ERI1: variants seen among roughly 807,000 people sequenced by gnomAD.
ERI1 encodes 3'-5' exoribonuclease 1.
Under a neutral mutation model 39.7 loss-of-function variants are expected in ERI1, and 39 were observed. That is an observed-to-expected ratio of 0.98 (90% CI 0.76 to 1.28). The LOEUF (loss-of-function observed/expected upper bound fraction) is 1.28. Ranked by LOEUF, ERI1 falls within the 50% of genes most tolerant of loss-of-function variation. The pLI is 0.00. For missense variants in ERI1, 581 were observed against 416.9 expected (o/e 1.39, Z -3.43); for synonymous variants, 204 against 149.6 (o/e 1.36, Z -2.65).
Position 9,030,017 on chromosome 8 carries a change from C to G in ERI1, c.1033C>G (p.Pro345Ala). ...AGAGGGCACTCCACCACCACAAATG[C>G]CACATTTTAGAAAGTAACAACAGTT... ...PIEGTPPPQM[P>A]HFRK is the part of the protein sequence containing the mutation. Residue 345 changes from proline to alanine, a missense_variant, in exon 7 of 7, where the codon CCA becomes GCA. Pro to Ala is a conservative substitution (Grantham distance 27). Transcript: ENST00000250263. 1 of 1,595,470 alleles carries G rather than the reference C, an allele frequency of 6.3e-7. No homozygotes were observed. The highest frequency in any genetic ancestry group is 8.5e-7 in the Non-Finnish European group (1 of 1,171,734).
At position 9,040,735 on chromosome 8, in the gene ERI1, G is replaced by T. The variant is rs549149139; in HGVS notation, n.299+20271G>T. On this transcript the variant is annotated intron_variant and non_coding_transcript_variant, in intron 3 of 3. Transcript: ENST00000518663. ...CAGTAATATAGTGTGTGTGTGGGGG[G>T]GGGGTGTGTGTTAGTTCACATTTGA... 2.6e-4 allele frequency among the ~76,000 whole-genome samples: 39 copies of T among 151,464 alleles called. No individual in the cohort carries two copies. The South Asian group carries it at 4.6e-3, about 18-fold the overall frequency.
intron 3 of ERI1, among the ~76,000 whole-genome samples, chr8:9,061,333 G>A (rs1798688357): frequency 6.6e-6 from 1 of 152,174 alleles, no homozygotes; most frequent in South Asian, 2.1e-4. Flanking sequence ...TTGAAGTCCG[G>A]GCCAGGAACA....
chr8:9,049,623 A>G (rs927183590), intron 3 of ERI1, among the ~76,000 whole-genome samples: 1 of 151,966 alleles, frequency 6.6e-6, no homozygotes, highest in Non-Finnish European at 1.5e-5. Context: ...TTCCTTTAGG[A>G]AATACTTAAA....
intron 3 of ERI1, among the ~76,000 whole-genome samples, chr8:9,084,483 C>T (rs924359949): frequency 2.0e-5 from 3 of 152,160 alleles, no homozygotes; most frequent in South Asian, 2.1e-4. Flanking sequence ...CCTGCCTTCC[C>T]GATATCAAAT....
At chr8:9,026,402 C>A (rs959671317) in intron 6 of ERI1, among the ~76,000 whole-genome samples, 4 of 152,092 alleles carry the variant, frequency 2.6e-5, no homozygotes, top group African/African-American at 9.7e-5. Context: ...CCCCTTCCTG[C>A]CAAACCCTGG....
At chr8:9,028,090 G>A (rs560627597) in intron 6 of ERI1, among the ~76,000 whole-genome samples, 1 of 152,156 alleles carries the variant, frequency 6.6e-6, no homozygotes, top group Non-Finnish European at 1.5e-5. Flanking sequence ...TGACCTTAAT[G>A]GAATGAGTTG....
intron 4 of ERI1, among the ~76,000 whole-genome samples, chr8:9,018,005 A>C (rs929784314): frequency 6.6e-6 from 1 of 152,226 alleles, no homozygotes; most frequent in African/African-American, 2.4e-5. Flanking sequence ...CTAGAAATCC[A>C]GTAAGCCGCT....
In ERI1 at chr8:9,026,817, C is replaced by T. The variant is rs116090147; in HGVS notation, c.808-2975C>T. Among the ~76,000 whole-genome samples, 10 of 151,786 alleles carry T rather than the reference C, an allele frequency of 6.6e-5. No homozygotes were observed. In the East Asian group the frequency reaches 1.9e-3, roughly 29 times the overall value. ...AATTTCAAATCCAAAGCACTTCTGT[C>T]CCAAGCATTTCAGATAAGGAATATT... On this transcript the variant is annotated intron_variant, in intron 6 of 6. Coordinates refer to ENST00000250263, the MANE Select transcript of ERI1 (RefSeq NM_153332.4).
At chr8:9,019,286 A>G (rs1310346642) in intron 5 of ERI1, among the ~76,000 whole-genome samples, 2 of 152,192 alleles carry the variant, frequency 1.3e-5, no homozygotes, top group Non-Finnish European at 2.9e-5. Flanking sequence ...TATCCTCTAT[A>G]CCTGAGATGT....
chr8:9,036,346 C>G (rs1391604078), downstream of ERI1, among the ~76,000 whole-genome samples: 1 of 152,196 alleles, frequency 6.6e-6, no homozygotes, highest in Non-Finnish European at 1.5e-5. Context: ...CACAGCCACT[C>G]CAATCTTCAT....
At position 9,008,061 on chromosome 8, in the gene ERI1, AAG is replaced by A. The variant is rs1179158169; in HGVS notation, c.204_205del (p.Glu68AspfsTer9). ...AGTGACTTCAGTGACCCGGTTTACA[AAG>A]AGATTGCCATTACGAATGGCTGTAT... On this transcript the variant is annotated frameshift_variant, in exon 2 of 7. Transcript: ENST00000250263. LOFTEE classifies it high-confidence loss of function. 6.2e-7 allele frequency: 1 copy of A among 1,612,852 alleles called. No individual in the cohort carries two copies. The highest frequency in any genetic ancestry group is 1.7e-5 in the Admixed American group (1 of 59,894).
chr8:9,037,881 A>G (rs903550014), downstream of ERI1, among the ~76,000 whole-genome samples: 5 of 110,406 alleles, frequency 4.5e-5, no homozygotes, highest in African/African-American at 1.6e-4. Context: ...CAGTCTGTAC[A>G]TTGCTGATTT....
At chr8:9,026,710 T>A (rs1341905567) in intron 6 of ERI1, among the ~76,000 whole-genome samples, 1 of 152,188 alleles carries the variant, frequency 6.6e-6, no homozygotes, top group Non-Finnish European at 1.5e-5. Context: ...ATTGGAGCAT[T>A]TCAGGTTTTG....
Position 9,032,531 on chromosome 8 carries a change from A to T in ERI1, c.*2497A>T, listed in dbSNP as rs1045527. 6.6e-6 allele frequency: 1 copy of T among 151,940 alleles called. No individual in the cohort carries two copies. The highest frequency in any genetic ancestry group is 2.4e-5 in the African/African-American group (1 of 41,316). 9.4% of individuals were successfully genotyped at this position (151,940 alleles called of 1,614,324 possible). On this transcript the variant is annotated 3_prime_UTR_variant, in exon 7 of 7. Coordinates refer to ENST00000250263, the MANE Select transcript of ERI1 (RefSeq NM_153332.4). ...GTCTTTGTTGCCTTGAGATAGATCC[A>T]TTTATCCTGCCTCCTAGGGAGAAGT...
chr8:9,005,799 G>A (rs1283807339), intron 1 of ERI1, among the ~76,000 whole-genome samples: 3 of 152,138 alleles, frequency 2.0e-5, no homozygotes, highest in African/African-American at 7.2e-5. Flanking sequence ...CGGCCTCAAC[G>A]ACAGTTTTAA....
intron 3 of ERI1, among the ~76,000 whole-genome samples, chr8:9,013,460 G>T (rs28439491): frequency 0.013 from 1,999 of 151,480 alleles, 44 homozygotes; most frequent in African/African-American, 0.043. Context: ...AGTTTTCTTT[G>T]CTGGTTCCTC....
chr8:9,037,711 G>T (rs959155736), downstream of ERI1, among the ~76,000 whole-genome samples: 1 of 152,094 alleles, frequency 6.6e-6, no homozygotes, highest in Admixed American at 6.6e-5. Flanking sequence ...TTTTGGCAGA[G>T]TTACAGATAG....
At chr8:9,003,657 A>G (rs1221887195) in intron 1 of ERI1, among the ~76,000 whole-genome samples, 1 of 152,158 alleles carries the variant, frequency 6.6e-6, no homozygotes, top group Non-Finnish European at 1.5e-5. Context: ...TTGCTCATTA[A>G]CTGGTGTCTC....
In ERI1 at chr8:9,049,162, C is replaced by T. The variant is rs1002587274; in HGVS notation, n.299+28698C>T. Among the ~76,000 whole-genome samples, 3 of 151,282 alleles carry T rather than the reference C, an allele frequency of 2.0e-5. No individual in the cohort carries two copies. The South Asian group carries it at 6.3e-4, about 32-fold the overall frequency. ...TCAAGCTTGGCCAACATGGTGAAAC[C>T]CCGTCTCTACTAAAAATACAAAAAT... is the stretch of plus-strand genomic sequence containing the variant. On this transcript the variant is annotated intron_variant and non_coding_transcript_variant, in intron 3 of 3. Transcript: ENST00000518663.
Sources: allele counts gnomAD v4.1 joint callset (sites outside exome capture counted in the v4.1 genomes callset), GRCh38; gene constraint gnomAD v4.1.1; transcripts MANE v1.5; gene names NCBI Gene and HGNC (gene_info 2026-07-23, HGNC 2026-07-21).